CHD9: variants seen among roughly 807,000 people sequenced by gnomAD.
CHD9 encodes the protein chromodomain helicase DNA binding protein 9.
In CHD9, 77 loss-of-function variants were observed where a neutral mutation model predicts 316.1. That is an observed-to-expected ratio of 0.24 (90% CI 0.20 to 0.29). CHD9 has a LOEUF of 0.29. CHD9 is among the 10% of genes least tolerant of loss of function. The pLI is 1.00. For missense variants in CHD9, 2,763 were observed against 3,438.1 expected (o/e 0.80, Z 4.91); for synonymous variants, 1,129 against 1,158.3 (o/e 0.97, Z 0.51).
intron 24 of CHD9, among the ~76,000 whole-genome samples, chr16:53,284,457 C>G (rs2053686392): frequency 6.6e-6 from 1 of 151,740 alleles, no homozygotes; most frequent in African/African-American, 2.4e-5. Flanking sequence ...GTATTCTGTG[C>G]TAAAGAAAAT....
At chr16:53,274,410 C>T (rs1156948093) in intron 24 of CHD9, 108 bp downstream of exon 24, 6 of 557,470 alleles carry the variant, frequency 1.1e-5, no homozygotes, top group Non-Finnish European at 1.9e-5. Context: ...GAGAGGCTCG[C>T]ACTGTAGGCA....
chr16:53,267,042 T>C (rs934272133), intron 20 of CHD9, among the ~76,000 whole-genome samples: 52 of 152,212 alleles, frequency 3.4e-4, no homozygotes, highest in African/African-American at 1.1e-3. Context: ...ACAATAATGT[T>C]ATATTAATAT....
intron 17 of CHD9, among the ~76,000 whole-genome samples, chr16:53,252,251 A>T (rs1328294813): frequency 6.6e-6 from 1 of 152,168 alleles, no homozygotes; most frequent in African/African-American, 2.4e-5. Context: ...AAACCCACGT[A>T]CTTACAGCCA....
intron 1 of CHD9, among the ~76,000 whole-genome samples, chr16:53,153,277 G>T (rs967381196): frequency 1.3e-5 from 2 of 152,092 alleles, no homozygotes; most frequent in Admixed American, 6.6e-5. Context: ...TAATAAATGG[G>T]ATCAAGAGAG....
chr16:53,242,931 A>C lies in CHD9; in HGVS notation c.2969A>C (p.Glu990Ala). The change falls in exon 13 of 39, where the codon GAA becomes GCA. Residue 990 changes from glutamate (E) to alanine (A), a missense_variant. Glu to Ala is a moderately radical substitution (Grantham distance 107). Around this residue, in one of 15 missense-constraint regions of CHD9, gnomAD observed 155 missense variants for 291.8 expected, o/e 0.53. Coordinates refer to ENST00000447540, the MANE Select transcript of CHD9 (RefSeq NM_001308319.2). ...GGCTGTGGAGAGCTTAATGCAATTG[A>C]ATGGCGATGTGTGATTATTGATGAA... Reference protein sequence around the residue: ...LGGCGELNAIEWRCVIIDEAH... With the variant: ...LGGCGELNAIAWRCVIIDEAH... 6.2e-7 allele frequency: 1 copy of C among 1,613,410 alleles called. No individual in the cohort carries two copies. The highest frequency in any genetic ancestry group is 1.3e-5 in the African/African-American group (1 of 75,028).
At chr16:53,168,827 C>T (rs1263888391) in intron 2 of CHD9, 1 of 152,342 alleles carries the variant, frequency 6.6e-6, no homozygotes, top group African/African-American at 2.4e-5. Context: ...GCCTTGAACT[C>T]CTGGGTTCAA....
chr16:53,152,619 G>A (rs571033139), intron 1 of CHD9, among the ~76,000 whole-genome samples: 2 of 152,186 alleles, frequency 1.3e-5, no homozygotes, highest in Non-Finnish European at 2.9e-5. Flanking sequence ...TTGGAGGGTT[G>A]TGAGCAGAGG....
chr16:53,315,284 A>G (rs539057295), intron 36 of CHD9, among the ~76,000 whole-genome samples: 6 of 152,282 alleles, frequency 3.9e-5, no homozygotes, highest in African/African-American at 1.4e-4. Flanking sequence ...ATAGAGTACT[A>G]TGTTAGACCC....
chr16:53,106,538 C>T (rs1299087193), intron 1 of CHD9, among the ~76,000 whole-genome samples: 1 of 152,112 alleles, frequency 6.6e-6, no homozygotes, highest in African/African-American at 2.4e-5. Context: ...CTTATTATAA[C>T]AGGTATTTAC....
At chr16:53,122,846 A>G (rs1421211266) in intron 1 of CHD9, among the ~76,000 whole-genome samples, 1 of 151,094 alleles carries the variant, frequency 6.6e-6, no homozygotes, top group Admixed American at 6.6e-5. Context: ...AGCTGGGACT[A>G]TAGGCGCCCG....
At chr16:53,269,709 A>G (rs1295132611) in intron 22 of CHD9, among the ~76,000 whole-genome samples, 1 of 152,198 alleles carries the variant, frequency 6.6e-6, no homozygotes, top group East Asian at 1.9e-4. Context: ...ACAGAACAAA[A>G]GACTTGGATT....
chr16:53,181,881 A>C (rs1017797689), intron 2 of CHD9, among the ~76,000 whole-genome samples: 5 of 152,112 alleles, frequency 3.3e-5, no homozygotes, highest in African/African-American at 1.2e-4. Flanking sequence ...AGAGTTTGAG[A>C]CCAGCCTGGC....
chr16:53,171,125 T>A (rs2042683559), intron 2 of CHD9, among the ~76,000 whole-genome samples: 1 of 152,088 alleles, frequency 6.6e-6, no homozygotes, highest in Non-Finnish European at 1.5e-5. Flanking sequence ...TAAAAACAAT[T>A]TAGGCCAGGT....
intron 2 of CHD9, among the ~76,000 whole-genome samples, chr16:53,202,838 A>T (rs1351511549): frequency 2.0e-5 from 3 of 152,218 alleles, no homozygotes; most frequent in Non-Finnish European, 2.9e-5. Context: ...TCACAAGACG[A>T]AAATAAACCT....
At chr16:53,227,246 A>AT in intron 5 of CHD9, 150 bp from the exon 6 acceptor site, 1 of 548,838 alleles carries the variant, frequency 1.8e-6, no homozygotes, top group Middle Eastern at 4.8e-4. Flanking sequence ...TATTTTTTTC[A>AT]TTTTTGTATT....
chr16:53,194,539 C>T (rs1312851424), intron 2 of CHD9, among the ~76,000 whole-genome samples: 1 of 152,156 alleles, frequency 6.6e-6, no homozygotes, highest in Non-Finnish European at 1.5e-5. Flanking sequence ...TACCACTTCA[C>T]TCCAGCCTGG....
chr16:53,213,286 C>G (rs960201524), intron 3 of CHD9, among the ~76,000 whole-genome samples: 1 of 152,124 alleles, frequency 6.6e-6, no homozygotes, highest in Non-Finnish European at 1.5e-5. Context: ...ATGGAAATGG[C>G]AGGTGCAAAA....
intron 1 of CHD9, among the ~76,000 whole-genome samples, chr16:53,103,062 G>A (rs975955394): frequency 6.6e-6 from 1 of 151,198 alleles, no homozygotes; most frequent in Non-Finnish European, 1.5e-5. Context: ...AGCCAGGATG[G>A]TCTCGATCTC....
rs181027806 is a variant in CHD9, at chr16:53,252,388, T to C, written c.3862-2050T>C. 2.3e-3 allele frequency among the ~76,000 whole-genome samples: 351 copies of C among 152,292 alleles called. 3 individuals carry two copies. The highest frequency in any genetic ancestry group is 0.013 in the South Asian group (63 of 4,822). On this transcript the variant is annotated intron_variant, in intron 17 of 38. Transcript: ENST00000447540. ...AACTGGATCCTCTTCTCTCATCTTA[T>C]ACAAAAATCAACTCAAGATGCATTA...
Sources: gnomAD v4.1 joint callset for allele counts (sites outside exome capture counted in the v4.1 genomes callset) on GRCh38, gnomAD v4.1.1 for gene constraint, gnomAD v4.1.1 regional missense constraint, MANE v1.5 for transcripts, NCBI Gene and HGNC (gene_info 2026-07-23, HGNC 2026-07-21) for gene names.